ABR: variants seen among roughly 807,000 people sequenced by gnomAD.
The protein encoded by ABR is ABR activator of RhoGEF and GTPase.
A neutral mutation model predicts 107.2 loss-of-function variants in ABR; 35 were observed. The observed-to-expected ratio is 0.33, with a 90% confidence interval of 0.25 to 0.43. ABR has a LOEUF of 0.43. Among genes scored for constraint, ABR ranks in the 20% least tolerant of loss-of-function variants. ABR has a pLI of 1.00. For missense variants in ABR, 815 were observed against 1,115.2 expected (o/e 0.73, Z 3.83); for synonymous variants, 498 against 462.0 (o/e 1.08, Z -1.00).
chr17:1,166,897 G>T (rs1236919485), intron 1 of ABR, among the ~76,000 whole-genome samples: 1 of 152,204 alleles, frequency 6.6e-6, no homozygotes, highest in Non-Finnish European at 1.5e-5. Context: ...AGCTACTTGG[G>T]AGGCTGAGGC....
intron 10 of ABR, among the ~76,000 whole-genome samples, chr17:1,061,489 G>T (rs1344628983): frequency 6.6e-6 from 1 of 152,080 alleles, no homozygotes; most frequent in Non-Finnish European, 1.5e-5. Context: ...TGAGTTGAAA[G>T]GATCCTCAGA....
chr17:1,099,699 T>C (rs770249904), intron 3 of ABR, among the ~76,000 whole-genome samples: 19 of 152,218 alleles, frequency 1.2e-4, no homozygotes, highest in Non-Finnish European at 2.8e-4. Context: ...GTAGTACTTT[T>C]ATCTTCCGAA....
intron 16 of ABR, among the ~76,000 whole-genome samples, chr17:1,029,846 C>T (rs1179393440): frequency 6.6e-6 from 1 of 151,208 alleles, no homozygotes; most frequent in African/African-American, 2.4e-5. Flanking sequence ...CTGTGGCAGA[C>T]GTCCCTCCGT....
At chr17:1,099,142 C>T (rs1440240234) in intron 3 of ABR, among the ~76,000 whole-genome samples, 1 of 151,526 alleles carries the variant, frequency 6.6e-6, no homozygotes, top group Non-Finnish European at 1.5e-5. Flanking sequence ...GTGGCGCACT[C>T]TCAGCTCACT....
chr17:1,179,282 C>T lies in ABR; in HGVS notation c.61+385G>A, dbSNP rs1023526477. Among the ~76,000 whole-genome samples, 1 of 151,766 alleles carries T rather than the reference C, an allele frequency of 6.6e-6. No individual in the cohort carries two copies. The highest frequency in any genetic ancestry group is 2.1e-4 in the South Asian group (1 of 4,806). On this transcript the variant is annotated intron_variant, in intron 1 of 22. Coordinates refer to ENST00000302538, the MANE Select transcript of ABR (RefSeq NM_021962.5). The surrounding 1 kb of genome is among the most constrained non-coding windows in gnomAD (Gnocchi z 4.9). ...GCTTCAGCCTGGACAGAGAAGCTGC[C>T]GGTCCAGGGGCGGGGGCAGCACCCA...
rs1047093962 is a variant in ABR, at chr17:1,027,049, C to T, written c.1792-13885G>A. On this transcript the variant is annotated intron_variant, in intron 16 of 22. Coordinates refer to ENST00000302538, the MANE Select transcript of ABR (RefSeq NM_021962.5). This position sits in a 1 kb window ranked among gnomAD's most constrained non-coding sequence, Gnocchi z 4.7. ...AGGCTTGGGGGCTCCTTCCAAAATG[C>T]CTGGGGCAGCTCCCCCAGCCACACC... Among the ~76,000 whole-genome samples the T allele has an allele frequency of 1.3e-5, 2 of 151,670 alleles. No individual in the cohort carries two copies. Among genetic ancestry groups the T allele is most frequent in the East Asian group, 3.9e-4 (2 of 5,132 alleles).
chr17:1,123,465 C>T (rs542222091), intron 2 of ABR, among the ~76,000 whole-genome samples: 43 of 152,286 alleles, frequency 2.8e-4, no homozygotes, highest in African/African-American at 9.9e-4. Flanking sequence ...TGCGTGACGC[C>T]CGTGATCTGT....
chr17:1,224,916 G>A (rs1233570140), intron 1 of ABR, among the ~76,000 whole-genome samples: 2 of 151,966 alleles, frequency 1.3e-5, no homozygotes, highest in East Asian at 1.9e-4. Flanking sequence ...TTGGGAGGCT[G>A]AGATGGGCGG....
intron 1 of ABR, among the ~76,000 whole-genome samples, chr17:1,162,762 C>T (rs1483348798): frequency 6.6e-6 from 1 of 152,008 alleles, no homozygotes; most frequent in Non-Finnish European, 1.5e-5. Flanking sequence ...CCCCGGCTCA[C>T]ACCTGTCATC....
intron 6 of ABR, among the ~76,000 whole-genome samples, chr17:1,076,837 G>C (rs2035777650): frequency 6.6e-6 from 1 of 151,902 alleles, no homozygotes; most frequent in African/African-American, 2.4e-5. Flanking sequence ...GGGGTCCCCT[G>C]AGAACTCAGG....
At chr17:1,196,021 C>G (rs1223830710) in intron 1 of ABR, among the ~76,000 whole-genome samples, 1 of 149,048 alleles carries the variant, frequency 6.7e-6, no homozygotes, top group Non-Finnish European at 1.5e-5. Context: ...CCCAGGTACT[C>G]AGGTGGCTGA....
intron 1 of ABR, among the ~76,000 whole-genome samples, chr17:1,143,813 A>G (rs1001819347): frequency 4.6e-5 from 7 of 152,146 alleles, no homozygotes; most frequent in Admixed American, 3.9e-4. Context: ...GCTGAGGCCC[A>G]GGGTGTCAGG....
chr17:1,223,638 G>A (rs2043160813), intron 1 of ABR, among the ~76,000 whole-genome samples: 1 of 152,116 alleles, frequency 6.6e-6, no homozygotes, highest in Non-Finnish European at 1.5e-5. Context: ...AGAACTACCC[G>A]AGACTGGGTA....
At chr17:1,079,996 ACAGGAACCCCGACT>A (rs1269272900) in intron 5 of ABR, among the ~76,000 whole-genome samples, 14 of 151,976 alleles carry the variant, frequency 9.2e-5, no homozygotes, top group Admixed American at 7.9e-4. Context: ...CCCTGTGATT[ACAGGAACCCCGACT>A]CAGGAACCCT....
intron 16 of ABR, among the ~76,000 whole-genome samples, chr17:1,043,130 C>T (rs764409194): frequency 2.6e-5 from 4 of 152,194 alleles, no homozygotes; most frequent in Non-Finnish European, 5.9e-5. Context: ...AACGGCTGCA[C>T]AGCACCAAAT....
chr17:1,115,150 C>T (rs1029363341), intron 2 of ABR: 1 of 152,316 alleles, frequency 6.6e-6, no homozygotes, highest in African/African-American at 2.4e-5. Flanking sequence ...TGTGACAGGA[C>T]ATTCATCCTG....
chr17:1,226,767 C>T (rs58665141), intron 1 of ABR, among the ~76,000 whole-genome samples: 1 of 149,374 alleles, frequency 6.7e-6, no homozygotes, highest in Non-Finnish European at 1.5e-5. Flanking sequence ...CGTGTGTGTG[C>T]ATGCATGTGA....
intron 16 of ABR, among the ~76,000 whole-genome samples, chr17:1,043,237 GGCTCACTGCAACCTCT>G (rs2030961547): frequency 6.6e-6 from 1 of 151,806 alleles, no homozygotes; most frequent in African/African-American, 2.4e-5. Flanking sequence ...GCATGATCTT[GGCTCACTGCAACCTCT>G]GCCTCCCAGG....
intron 6 of ABR, among the ~76,000 whole-genome samples, chr17:1,075,140 G>A (rs2035595707): frequency 6.6e-6 from 1 of 152,246 alleles, no homozygotes; most frequent in African/African-American, 2.4e-5. Flanking sequence ...CTGGGATTCA[G>A]CAGGGACAGG....
Sources: allele counts gnomAD v4.1 joint callset (sites outside exome capture counted in the v4.1 genomes callset), GRCh38; gene constraint gnomAD v4.1.1; non-coding constraint Gnocchi (gnomAD v3.1); transcripts MANE v1.5; gene names NCBI Gene and HGNC (gene_info 2026-07-23, HGNC 2026-07-21).